SEPTIN11: variants seen among roughly 807,000 people sequenced by gnomAD.
SEPTIN11 encodes the protein septin 11, also known as septin-11.
SEPTIN11 carries 25 observed loss-of-function variants against 51.4 expected under a neutral mutation model. That is an observed-to-expected ratio of 0.49 (90% confidence interval 0.35 to 0.68). SEPTIN11 has a LOEUF of 0.68. Ranked by LOEUF, SEPTIN11 falls within the 30% of genes least tolerant of loss-of-function variation. The pLI, the probability that SEPTIN11 is intolerant of heterozygous loss-of-function variation, is 0.00. For missense variants in SEPTIN11, 381 were observed against 520.8 expected (o/e 0.73, Z 2.61); for synonymous variants, 174 against 184.1 (o/e 0.95, Z 0.44).
chr4:76,969,338 C>A (rs1361964086), intron 1 of SEPTIN11, among the ~76,000 whole-genome samples: 6 of 152,044 alleles, frequency 3.9e-5, no homozygotes, highest in Non-Finnish European at 8.8e-5. Flanking sequence ...AACTTTAGAC[C>A]TCTTCTTCTG....
At chr4:76,975,374 G>A (rs994168444) in intron 1 of SEPTIN11, among the ~76,000 whole-genome samples, 1 of 152,030 alleles carries the variant, frequency 6.6e-6, no homozygotes, top group Non-Finnish European at 1.5e-5. Context: ...AGTACTTCCC[G>A]TAGCCATTCC....
intron 1 of SEPTIN11, among the ~76,000 whole-genome samples, chr4:76,954,889 G>A (rs1483080890): frequency 2.0e-5 from 3 of 152,212 alleles, no homozygotes; most frequent in Non-Finnish European, 2.9e-5. Context: ...GGTGAGGTGG[G>A]AAAGAGACCA....
At chr4:76,963,608 T>C (rs1440323908) in intron 1 of SEPTIN11, among the ~76,000 whole-genome samples, 1 of 152,204 alleles carries the variant, frequency 6.6e-6, no homozygotes, top group Non-Finnish European at 1.5e-5. Flanking sequence ...TCGTCAAATA[T>C]GGCTTTTAAA....
In SEPTIN11 at chr4:76,959,268, T is replaced by A. The variant is rs574217313; in HGVS notation, c.27+9338T>A. 3.8e-3 allele frequency: 464 copies of A among 120,678 alleles called. 1 individual carries two copies. The highest frequency in any genetic ancestry group is 6.9e-3 in the African/African-American group (216 of 31,150). The allele number at this position is 120,678 out of a possible 1,614,324, so 7.5% of individuals were successfully genotyped here. On this transcript the variant is annotated intron_variant, in intron 1 of 9. Transcript: ENST00000264893. ...ACAAGACAAGGTTTTTTTTTTTTTT[T>A]AAAAATAATAATAATTATTATTTTT...
chr4:77,037,777 C>A lies in SEPTIN11; in HGVS notation c.*3265C>A. On this transcript the variant is annotated 3_prime_UTR_variant, in exon 10 of 10. Coordinates refer to ENST00000264893, the MANE Select transcript of SEPTIN11 (RefSeq NM_018243.4). The stretch of plus-strand genomic sequence containing the variant: ...ATTGGCAGTTCAGATTGTGTTTTCC[C>A]AACTTAGGCTCTTTATTAATTGGTT... 1 of 985,812 alleles carries A rather than the reference C, an allele frequency of 1.0e-6. No homozygotes were observed. Among genetic ancestry groups the A allele is most frequent in the Non-Finnish European group, 1.2e-6 (1 of 829,912 alleles). The allele number at this position is 985,812 out of a possible 1,614,324, so 61.1% of individuals were successfully genotyped here. A position where few individuals can be genotyped will look rare whatever the true frequency, so the allele number is the denominator to read the frequency against.
chr4:76,968,895 C>T (rs112295147), intron 1 of SEPTIN11, among the ~76,000 whole-genome samples: 22 of 152,236 alleles, frequency 1.4e-4, no homozygotes, highest in African/African-American at 4.3e-4. Context: ...TAAAGAAATC[C>T]GTGGCATTTT....
chr4:76,980,458 C>G (rs2109914449), intron 1 of SEPTIN11, among the ~76,000 whole-genome samples: 1 of 152,270 alleles, frequency 6.6e-6, no homozygotes, highest in African/African-American at 2.4e-5. Context: ...TGCTGCCAAG[C>G]CTTGTTTCCT....
intron 1 of SEPTIN11, among the ~76,000 whole-genome samples, chr4:76,973,611 C>G (rs572473101): frequency 6.6e-6 from 1 of 152,312 alleles, no homozygotes; most frequent in African/African-American, 2.4e-5. Flanking sequence ...TTGTATGACA[C>G]AAATCGAGCA....
intron 1 of SEPTIN11, among the ~76,000 whole-genome samples, chr4:76,991,553 C>CATATAT (rs1456446816): frequency 4.1e-5 from 6 of 147,590 alleles, no homozygotes; most frequent in Admixed American, 2.1e-4. Context: ...GGTATACATT[C>CATATAT]ATAAGAAAGT....
At chr4:76,962,847 A>G (rs1045169522) in intron 1 of SEPTIN11, among the ~76,000 whole-genome samples, 20 of 152,110 alleles carry the variant, frequency 1.3e-4, no homozygotes, top group African/African-American at 4.8e-4. Flanking sequence ...ACACACTCAC[A>G]TACCCCACAT....
chr4:76,950,467 C>T (rs1032343797), intron 1 of SEPTIN11, among the ~76,000 whole-genome samples: 1 of 152,236 alleles, frequency 6.6e-6, no homozygotes. Context: ...GCTGAGCGGG[C>T]CCTGCCCAGG....
At chr4:76,999,075 T>C (rs182738105) in intron 2 of SEPTIN11, among the ~76,000 whole-genome samples, 3 of 152,298 alleles carry the variant, frequency 2.0e-5, no homozygotes, top group Non-Finnish European at 4.4e-5. Context: ...GTTCATCCTG[T>C]GCATTTTCCT....
intron 7 of SEPTIN11, among the ~76,000 whole-genome samples, chr4:77,026,025 C>T (rs2109978734): frequency 6.6e-6 from 1 of 152,294 alleles, no homozygotes; most frequent in East Asian, 1.9e-4. Context: ...CATTTTCCAT[C>T]ATGATCCAGC....
At chr4:76,965,881 G>A (rs892596090) in intron 1 of SEPTIN11, among the ~76,000 whole-genome samples, 1 of 152,138 alleles carries the variant, frequency 6.6e-6, no homozygotes, top group African/African-American at 2.4e-5. Context: ...TTGTATCATC[G>A]GAAATGCTCT....
intron 6 of SEPTIN11, among the ~76,000 whole-genome samples, chr4:77,020,009 C>T (rs907233886): frequency 5.9e-4 from 90 of 152,216 alleles, no homozygotes; most frequent in African/African-American, 1.9e-3. Context: ...TCCTTTCTTC[C>T]TAGTGTTGTT....
In SEPTIN11 at chr4:77,036,579, T is replaced by G; in HGVS notation, c.*2067T>G. On this transcript the variant is annotated 3_prime_UTR_variant, in exon 10 of 10. Transcript: ENST00000264893. Reference sequence around the variant, plus strand: ...TATTGATTGGATTGACTTTTTTGCATTAAATTTTTCCCAGCAAAATAAATC... The same window carrying G: ...TATTGATTGGATTGACTTTTTTGCAGTAAATTTTTCCCAGCAAAATAAATC... The G allele has an allele frequency of 7.0e-7, 1 of 1,425,434 alleles. No homozygotes were observed. The highest frequency in any genetic ancestry group is 9.1e-7 in the Non-Finnish European group (1 of 1,097,834). 88.3% of individuals were successfully genotyped at this position (1,425,434 alleles called of 1,614,324 possible). A position where few individuals can be genotyped will look rare whatever the true frequency, so the allele number is the denominator to read the frequency against.
chr4:76,952,224 A>T (rs1454079101), intron 1 of SEPTIN11, among the ~76,000 whole-genome samples: 6 of 152,180 alleles, frequency 3.9e-5, no homozygotes, highest in Admixed American at 3.9e-4. Context: ...GCACCTTTAA[A>T]GTTAAGAGTT....
intron 8 of SEPTIN11, 43 bp from the exon 9 acceptor site, chr4:77,030,740 A>G: frequency 7.1e-6 from 11 of 1,545,468 alleles, no homozygotes; most frequent in Non-Finnish European, 8.7e-6. Flanking sequence ...CATCAAAAGG[A>G]TTTTCATTCC....
Position 77,036,584 on chromosome 4 carries a change from T to G in SEPTIN11, c.*2072T>G. ...ATTGGATTGACTTTTTTGCATTAAATTTTTCCCAGCAAAATAAATCATATG... is the reference window on the plus strand; with the variant it reads ...ATTGGATTGACTTTTTTGCATTAAAGTTTTCCCAGCAAAATAAATCATATG... On this transcript the variant is annotated 3_prime_UTR_variant, in exon 10 of 10. Coordinates refer to ENST00000264893, the MANE Select transcript of SEPTIN11 (RefSeq NM_018243.4). 1 of 1,427,656 alleles carries G rather than the reference T, an allele frequency of 7.0e-7. No homozygotes were observed. The highest frequency in any genetic ancestry group is 2.6e-5 in the East Asian group (1 of 38,188). The allele number at this position is 1,427,656 out of a possible 1,614,324, so 88.4% of individuals were successfully genotyped here.
Sources: allele counts gnomAD v4.1 joint callset (sites outside exome capture counted in the v4.1 genomes callset), GRCh38; gene constraint gnomAD v4.1.1; transcripts MANE v1.5; gene names NCBI Gene and HGNC (gene_info 2026-07-23, HGNC 2026-07-21).